Variants in C20orf203 observed in about 807,000 individuals in gnomAD.
The protein encoded by C20orf203 is uncharacterized protein C20orf203.
In C20orf203, 16 loss-of-function variants were observed where a neutral mutation model predicts 15.9. The observed-to-expected ratio is 1.01, with a 90% CI of 0.68 to 1.53. The LOEUF is 1.53. Among genes scored for constraint, C20orf203 ranks in the 40% most tolerant of loss-of-function variants. The pLI is 0.00. For missense variants in C20orf203, 263 were observed against 247.5 expected (o/e 1.06, Z -0.42); for synonymous variants, 98 against 97.2 (o/e 1.01, Z -0.05).
rs143803994 is a variant in C20orf203, at chr20:32,669,240, C to T, written c.-264+4392G>A. Among the ~76,000 whole-genome samples, 231 of 152,280 alleles carry T rather than the reference C, an allele frequency of 1.5e-3. 1 individual carries two copies. The highest frequency in any genetic ancestry group is 2.5e-3 in the Non-Finnish European group (172 of 68,024). On this transcript the variant is annotated intron_variant, in intron 1 of 5. Transcript: ENST00000608990. Reference sequence around the variant, plus strand: ...GTGCTGAACTTGTGTTAACTGGGGGCGGACTCTAGGCCCAGACCCTGACTC... The same window carrying T: ...GTGCTGAACTTGTGTTAACTGGGGGTGGACTCTAGGCCCAGACCCTGACTC...
intron 4 of C20orf203, among the ~76,000 whole-genome samples, chr20:32,645,961 G>T (rs1302467877): frequency 1.3e-5 from 2 of 152,248 alleles, no homozygotes; most frequent in East Asian, 3.9e-4. Flanking sequence ...GGTCACTTGG[G>T]GTAGACACCT....
chr20:32,650,671 C>A lies in C20orf203; in HGVS notation c.346G>T (p.Gly116Cys). The A allele has an allele frequency of 6.5e-7, 1 of 1,549,546 alleles. No individual in the cohort carries two copies. Among genetic ancestry groups the A allele is most frequent in the Non-Finnish European group, 8.7e-7 (1 of 1,146,618 alleles). The change falls in exon 4 of 6, where the codon GGT becomes TGT. Residue 116 changes from glycine (G) to cysteine (C), a missense_variant. Physicochemically the swap from Gly to Cys is radical, Grantham distance 159. Transcript: ENST00000608990. ...EVGGLRLSKV[G>C]RRDREVGRGL... is the part of the protein sequence containing the mutation. ...CTCCCCACTTCCCTATCTCTCCGAC[C>A]CACCTTGCTGAGCCTGAGGCCTCCA...
chr20:32,644,250 C>A (rs1982362912), intron 4 of C20orf203, among the ~76,000 whole-genome samples: 1 of 152,146 alleles, frequency 6.6e-6, no homozygotes, highest in Non-Finnish European at 1.5e-5. Flanking sequence ...GGGTTCAAGA[C>A]CAGCCTGGGC....
intron 1 of C20orf203, among the ~76,000 whole-genome samples, chr20:32,655,590 C>G (rs372337771): frequency 6.6e-6 from 1 of 152,216 alleles, no homozygotes; most frequent in East Asian, 1.9e-4. Context: ...GTCATGAGTT[C>G]AAGACCAACC....
At chr20:32,665,768 A>G (rs1983004114) in intron 1 of C20orf203, among the ~76,000 whole-genome samples, 1 of 152,126 alleles carries the variant, frequency 6.6e-6, no homozygotes, top group South Asian at 2.1e-4. Flanking sequence ...GTTTGAGACC[A>G]GCCTGGCCAA....
intron 5 of C20orf203, among the ~76,000 whole-genome samples, chr20:32,637,945 T>C (rs1330242822): frequency 1.3e-5 from 2 of 152,066 alleles, no homozygotes; most frequent in African/African-American, 4.8e-5. Flanking sequence ...GGTGCATGTA[T>C]GGGCGTGTGT....
intron 1 of C20orf203, among the ~76,000 whole-genome samples, chr20:32,672,721 A>C (rs1251311204): frequency 6.6e-6 from 1 of 151,146 alleles, no homozygotes. Context: ...TTGTTCTGGG[A>C]CTCTTCCTCC....
rs191490138 is a variant in C20orf203 at position 32,660,596 on chromosome 20, G to C, written c.-263-8615C>G. Reference sequence around the variant, plus strand: ...CTATTTTACAGAGGAGACAGTGAAGGCTCAGGGAGGTCAAGTGACTTGTCC... The same window carrying C: ...CTATTTTACAGAGGAGACAGTGAAGCCTCAGGGAGGTCAAGTGACTTGTCC... On this transcript the variant is annotated intron_variant, in intron 1 of 5. Coordinates refer to ENST00000608990, the MANE Select transcript of C20orf203 (RefSeq NM_182584.4). Among the ~76,000 whole-genome samples the C allele has an allele frequency of 5.9e-3, 891 of 152,290 alleles. 3 individuals carry two copies. Among genetic ancestry groups the C allele is most frequent in the Non-Finnish European group, 7.8e-3 (530 of 68,012 alleles).
At chr20:32,647,499 T>C (rs1267001587) in intron 4 of C20orf203, among the ~76,000 whole-genome samples, 1 of 151,116 alleles carries the variant, frequency 6.6e-6, no homozygotes, top group Admixed American at 6.6e-5. Context: ...AGGCCAGGAG[T>C]TCCAAACCAG....
chr20:32,672,647 G>A (rs1983200969), intron 1 of C20orf203, among the ~76,000 whole-genome samples: 1 of 151,776 alleles, frequency 6.6e-6, no homozygotes, highest in Admixed American at 6.6e-5. Flanking sequence ...CAGTGTGCCT[G>A]TCTCTATTTC....
chr20:32,651,569 T>C (rs918920991), intron 2 of C20orf203, among the ~76,000 whole-genome samples, 164 bp downstream of exon 2: 1 of 152,144 alleles, frequency 6.6e-6, no homozygotes, highest in African/African-American at 2.4e-5. Flanking sequence ...AGGCTGGGGA[T>C]GGCAACAGAG....
chr20:32,662,928 T>TATATAG (rs1555817818), intron 1 of C20orf203, among the ~76,000 whole-genome samples: 9 of 141,974 alleles, frequency 6.3e-5, no homozygotes, highest in African/African-American at 1.3e-4. Context: ...GATATATATA[T>TATATAG]ATAGATAGAT....
chr20:32,654,160 G>A (rs1385640712), intron 1 of C20orf203, among the ~76,000 whole-genome samples: 1 of 151,648 alleles, frequency 6.6e-6, no homozygotes, highest in Non-Finnish European at 1.5e-5. Context: ...AAAGTTGCAG[G>A]ATACAAGATC....
chr20:32,650,448 C>T lies in C20orf203; in HGVS notation c.569G>A (p.Arg190Gln), dbSNP rs956521471. The change falls in exon 4 of 6, where the codon CGG (arginine) becomes CAG (glutamine). Residue 190 changes from arginine to glutamine, a missense_variant. Physicochemically the swap from Arg to Gln is conservative, Grantham distance 43. Coordinates refer to ENST00000608990, the MANE Select transcript of C20orf203 (RefSeq NM_182584.4). ...SKQQFLSNSS[R>Q]SLFN ...TGGGCTCGGCTAATTAAACAGCGAC[C>T]GTGATGAATTGGAGAGAAACTGCTG... 50 of 1,549,950 alleles carry T rather than the reference C, an allele frequency of 3.2e-5. No individual in the cohort carries two copies. Among genetic ancestry groups the T allele is most frequent in the African/African-American group, 4.1e-5 (3 of 73,008 alleles).
intron 1 of C20orf203, among the ~76,000 whole-genome samples, chr20:32,666,155 T>TAAAAAAAAA (rs147487671): frequency 1.3e-4 from 13 of 102,706 alleles, no homozygotes; most frequent in Admixed American, 3.4e-4. Context: ...ATAAATAAAG[T>TAAAAAAAAA]AAAAAAAAAA....
In C20orf203 at chr20:32,666,800, TA is replaced by T. The variant is rs1568756013; in HGVS notation, c.-264+6831del. The stretch of plus-strand genomic sequence containing the variant: ...AAAAGATGAAATTAATTTTAATTTA[TA>T]TATATATATATATATATATATATAG... On this transcript the variant is annotated intron_variant, in intron 1 of 5. Coordinates refer to ENST00000608990, the MANE Select transcript of C20orf203 (RefSeq NM_182584.4). Among the ~76,000 whole-genome samples, 10 of 85,332 alleles carry T rather than the reference TA, an allele frequency of 1.2e-4. 1 individual carries two copies. Among genetic ancestry groups the T allele is most frequent in the Non-Finnish European group, 1.7e-4 (7 of 40,532 alleles). 56.0% of individuals were successfully genotyped at this position (85,332 alleles called of 152,430 possible). A position where few individuals can be genotyped will look rare whatever the true frequency, so the allele number is the denominator to read the frequency against.
intron 1 of C20orf203, among the ~76,000 whole-genome samples, chr20:32,667,277 C>G (rs1341792186): frequency 6.6e-6 from 1 of 152,200 alleles, no homozygotes; most frequent in African/African-American, 2.4e-5. Flanking sequence ...TGTGATCTGA[C>G]TACTTACTGT....
Sources: allele counts gnomAD v4.1 joint callset (sites outside exome capture counted in the v4.1 genomes callset), GRCh38; gene constraint gnomAD v4.1.1; transcripts MANE v1.5; gene names NCBI Gene and HGNC (gene_info 2026-07-23, HGNC 2026-07-21).